Variants in ZNF723 observed in about 807,000 individuals in gnomAD.
ZNF723 encodes the protein zinc finger protein 723, pseudogene.
ZNF723 carries 5 observed loss-of-function variants against 9.4 expected under a neutral mutation model. The ratio of observed to expected loss-of-function variants is 0.53; its 90% CI spans 0.28 to 1.12. The LOEUF (loss-of-function observed/expected upper bound fraction) is 1.12. ZNF723 is among the 50% of genes most tolerant of loss of function. The probability of loss-of-function intolerance (pLI) is 0.10; values close to 1 mark genes in which losing one functional copy is unlikely to be tolerated. For missense variants in ZNF723, 450 were observed against 501.5 expected (o/e 0.90, Z 0.98); for synonymous variants, 158 against 168.8 (o/e 0.94, Z 0.49).
rs1321432426 is a variant in ZNF723 at position 22,857,639 on chromosome 19, A to T, written c.748A>T (p.Ile250Phe). Residue 250 changes from isoleucine to phenylalanine, a missense_variant, in exon 4 of 4, where the codon ATT becomes TTT. Coordinates refer to ENST00000600766, the MANE Select transcript of ZNF723 (RefSeq NM_001349726.2). ...VSSSLNNHKR[I>F]HTGEKPYKCE... ...CTCAAGCCTTAATAATCATAAGAGA[A>T]TTCATACTGGAGAGAAACCCTACAA... is the stretch of plus-strand genomic sequence containing the variant. 7.1e-6 allele frequency: 9 copies of T among 1,276,148 alleles called. No homozygotes were observed. Among genetic ancestry groups the T allele is most frequent in the South Asian group, 3.6e-5 (3 of 83,996 alleles). The allele number at this position is 1,276,148 out of a possible 1,614,324, so 79.1% of individuals were successfully genotyped here.
At chr19:22,825,513 C>G in the ZNF723 span, among the ~76,000 whole-genome samples, 32 of 152,336 alleles carry the variant, frequency 2.1e-4, no homozygotes, top group African/African-American at 7.0e-4. Context: ...AGTCAAGAAT[C>G]TAGGTGATGT....
the ZNF723 span, among the ~76,000 whole-genome samples, chr19:22,824,863 A>C: frequency 6.6e-6 from 1 of 152,148 alleles, no homozygotes; most frequent in East Asian, 1.9e-4. Context: ...TGACTCTAAT[A>C]CCTGGATGCA....
At chr19:22,826,362 G>A in the ZNF723 span, among the ~76,000 whole-genome samples, 1,167 of 152,344 alleles carry the variant, frequency 7.7e-3, 14 homozygotes, top group African/African-American at 0.026. Context: ...TAATAGGAGA[G>A]ATTGTAACTT....
At chr19:22,834,988 G>GAGAATCTA (rs1967147025) in intron 1 of ZNF723, among the ~76,000 whole-genome samples, 1 of 151,952 alleles carries the variant, frequency 6.6e-6, no homozygotes, top group Non-Finnish European at 1.5e-5. Context: ...GGTGGGGTGG[G>GAGAATCTA]AGAATCTAAG....
At chr19:22,831,983 C>T (rs1967103090), upstream of ZNF723, among the ~76,000 whole-genome samples, 1 of 152,114 alleles carries the variant, frequency 6.6e-6, no homozygotes, top group African/African-American at 2.4e-5. Context: ...GTCATAAAAG[C>T]CGAAATTTTA....
the ZNF723 span, among the ~76,000 whole-genome samples, chr19:22,814,981 C>T: frequency 8.6e-5 from 13 of 151,956 alleles, no homozygotes; most frequent in Admixed American, 6.6e-5. Flanking sequence ...TTTTTCTCTC[C>T]TACCTGGACC....
chr19:22,833,926 CTTTT>C (rs34792208), intron 1 of ZNF723, among the ~76,000 whole-genome samples: 84 of 89,320 alleles, frequency 9.4e-4, no homozygotes, highest in Admixed American at 2.2e-3. Flanking sequence ...TTTTAGCGTA[CTTTT>C]TTTTTTTTTT....
chr19:22,845,506 C>G (rs142623166), intron 1 of ZNF723, among the ~76,000 whole-genome samples: 1 of 152,180 alleles, frequency 6.6e-6, no homozygotes, highest in East Asian at 1.9e-4. Context: ...TTCAGTTTCA[C>G]CTGTTTACTA....
At chr19:22,825,851 A>G in the ZNF723 span, among the ~76,000 whole-genome samples, 2 of 152,194 alleles carry the variant, frequency 1.3e-5, no homozygotes, top group African/African-American at 4.8e-5. Context: ...TGTTCACAGG[A>G]TGGTATTGTG....
chr19:22,819,888 T>A, the ZNF723 span, among the ~76,000 whole-genome samples: 1 of 152,138 alleles, frequency 6.6e-6, no homozygotes, highest in Non-Finnish European at 1.5e-5. Flanking sequence ...ACATTGTGTA[T>A]TGTGACATAT....
At chr19:22,813,267 G>T in the ZNF723 span, among the ~76,000 whole-genome samples, 2 of 152,180 alleles carry the variant, frequency 1.3e-5, no homozygotes, top group Admixed American at 1.3e-4. Context: ...TCTTGCAGGT[G>T]TTATTGTGAC....
Position 22,843,705 on chromosome 19 carries a change from C to T in ZNF723, c.4-4556C>T, listed in dbSNP as rs79937901. Among the ~76,000 whole-genome samples the T allele has an allele frequency of 3.3e-5, 5 of 152,204 alleles. No homozygotes were observed. The East Asian group carries it at 5.8e-4, about 18-fold the overall frequency. ...TTTATATTGTAGTGACTTCTTATGT[C>T]ATCACCTGAAGGGATATTTATGAAC... On this transcript the variant is annotated intron_variant, in intron 1 of 3. Transcript: ENST00000600766.
intron 1 of ZNF723, among the ~76,000 whole-genome samples, chr19:22,842,973 C>G (rs2061774): frequency 0.21 from 31,837 of 151,980 alleles, 3,933 homozygotes; most frequent in African/African-American, 0.35. Context: ...TATGTGAGGG[C>G]CACCAGGTAT....
chr19:22,847,139 G>A (rs1256611989), intron 1 of ZNF723, among the ~76,000 whole-genome samples: 1 of 151,150 alleles, frequency 6.6e-6, no homozygotes, highest in Non-Finnish European at 1.5e-5. Context: ...GTAGTGGCGT[G>A]ATCTCGACTC....
chr19:22,813,680 G>T, the ZNF723 span, among the ~76,000 whole-genome samples: 2 of 152,022 alleles, frequency 1.3e-5, no homozygotes, highest in African/African-American at 4.8e-5. Context: ...GGTGGGTGTT[G>T]CAGTGAGCCA....
chr19:22,853,518 T>C (rs576681038), intron 3 of ZNF723, among the ~76,000 whole-genome samples: 1 of 152,300 alleles, frequency 6.6e-6, no homozygotes, highest in South Asian at 2.1e-4. Context: ...TCTATTATTG[T>C]TTTATACCCT....
the ZNF723 span, among the ~76,000 whole-genome samples, chr19:22,814,223 C>A: frequency 6.6e-6 from 1 of 152,170 alleles, no homozygotes; most frequent in Non-Finnish European, 1.5e-5. Context: ...TAGATGCACT[C>A]ATAGGTTTAT....
chr19:22,815,824 A>G, the ZNF723 span, among the ~76,000 whole-genome samples: 1 of 152,228 alleles, frequency 6.6e-6, no homozygotes, highest in Non-Finnish European at 1.5e-5. Context: ...CACAGGGCAC[A>G]ATAAAAGTGA....
chr19:22,836,581 C>T (rs760510750), intron 1 of ZNF723, among the ~76,000 whole-genome samples: 10 of 152,078 alleles, frequency 6.6e-5, no homozygotes, highest in Non-Finnish European at 1.3e-4. Flanking sequence ...ATCCTGAAGT[C>T]AGCATGTTCT....
Sources: gnomAD v4.1 joint callset for allele counts (sites outside exome capture counted in the v4.1 genomes callset) on GRCh38, gnomAD v4.1.1 for gene constraint, MANE v1.5 for transcripts, NCBI Gene and HGNC (gene_info 2026-07-23, HGNC 2026-07-21) for gene names.